Variants in ITPRIPL2 observed in about 807,000 individuals in gnomAD.
ITPRIPL2 encodes inositol 1,4,5-trisphosphate receptor-interacting protein-like 2.
ITPRIPL2 carries 29 observed loss-of-function variants against 31.7 expected under a neutral mutation model. That is an observed-to-expected ratio of 0.91 (90% confidence interval 0.68 to 1.25). The LOEUF is 1.25. Ranked by LOEUF, ITPRIPL2 falls within the 50% of genes most tolerant of loss-of-function variation. ITPRIPL2 has a pLI of 0.00. For missense variants in ITPRIPL2, 696 were observed against 739.1 expected, an observed-to-expected ratio of 0.94 and a Z score of 0.68; for synonymous variants, 344 against 343.4, an observed-to-expected ratio of 1.00 and a Z score of -0.02.
In ITPRIPL2 at chr16:19,114,570, C is replaced by G. The variant is rs771733658; in HGVS notation, c.109C>G (p.Arg37Gly). ...TGTCCTGCGGGGAAGCGGGGGCGCC[C>G]GGGCCGAGCCCGCCGACGGCGTGGA... ...YHVLRGSGGA[R>G]AEPADGVDGG... The change falls in exon 1 of 1, where the codon CGG becomes GGG. Residue 37 changes from arginine (R) to glycine (G), a missense_variant. Transcript: ENST00000381440. 17 of 1,553,026 alleles carry G rather than the reference C, an allele frequency of 1.1e-5. No homozygotes were observed. Among genetic ancestry groups the G allele is most frequent in the Non-Finnish European group, 1.4e-5 (16 of 1,154,732 alleles).
chr16:19,114,864 C>A lies in ITPRIPL2; in HGVS notation c.403C>A (p.Arg135Ser), dbSNP rs765346340. The change falls in exon 1 of 1, where the codon CGC becomes AGC. Residue 135 changes from arginine to serine, a missense_variant. Physicochemically the swap from Arg to Ser is moderately radical, Grantham distance 110. Coordinates refer to ENST00000381440, the MANE Select transcript of ITPRIPL2 (RefSeq NM_001034841.4). ...RIVGELVRAGRARGSPGLIPG... is the reference protein window; with the variant it reads ...RIVGELVRAGSARGSPGLIPG... Reference sequence around the variant, plus strand: ...CGTGGGCGAGCTGGTGCGGGCTGGCCGCGCCCGGGGGTCCCCCGGTCTCAT... The same window carrying A: ...CGTGGGCGAGCTGGTGCGGGCTGGCAGCGCCCGGGGGTCCCCCGGTCTCAT... 24 of 1,603,698 alleles carry A rather than the reference C, an allele frequency of 1.5e-5. No homozygotes were observed. The highest frequency in any genetic ancestry group is 2.0e-5 in the Non-Finnish European group (24 of 1,175,812).
rs745733498 is a variant in ITPRIPL2, at chr16:19,114,566, C to T, written c.105C>T (p.Gly35=). 3 of 1,546,054 alleles carry T rather than the reference C, an allele frequency of 1.9e-6. No homozygotes were observed. The highest frequency in any genetic ancestry group is 1.7e-6 in the Non-Finnish European group (2 of 1,151,266). The part of the protein sequence containing the change: ...CLYHVLRGSG[G]ARAEPADGVD... ...ACCATGTCCTGCGGGGAAGCGGGGG[C>T]GCCCGGGCCGAGCCCGCCGACGGCG... is the stretch of plus-strand genomic sequence containing the variant. Residue 35 remains glycine (G), a synonymous_variant, in exon 1 of 1, where the codon GGC becomes GGT. Transcript: ENST00000381440.
At position 19,114,453 on chromosome 16, in the gene ITPRIPL2, G is replaced by A; in HGVS notation, c.-9G>A. On this transcript the variant is annotated 5_prime_UTR_variant, in exon 1 of 1. Transcript: ENST00000381440. ...GGCTGCTCGGCCACCGCCGCCCCGG[G>A]CGCCCGGCATGTCGGTGCACTACAC... 2.2e-6 allele frequency: 3 copies of A among 1,387,668 alleles called. No individual in the cohort carries two copies. The highest frequency in any genetic ancestry group is 1.5e-5 in the African/African-American group (1 of 66,008). 86.0% of individuals were successfully genotyped at this position (1,387,668 alleles called of 1,614,324 possible). A position where few individuals can be genotyped will look rare whatever the true frequency, so the allele number is the denominator to read the frequency against.
In ITPRIPL2 at chr16:19,121,056, T is replaced by C. The variant is rs1460292236; in HGVS notation, c.*4987T>C. On this transcript the variant is annotated 3_prime_UTR_variant, in exon 1 of 1. Coordinates refer to ENST00000381440, the MANE Select transcript of ITPRIPL2 (RefSeq NM_001034841.4). The stretch of plus-strand genomic sequence containing the variant: ...ATCGTGGCATTCGTTAGTTTTTTTT[T>C]TTTTAAATCACTTGTTTAGATACAA... 2.4e-5 allele frequency: 4 copies of C among 166,790 alleles called. No homozygotes were observed. Among genetic ancestry groups the C allele is most frequent in the African/African-American group, 9.7e-5 (4 of 41,406 alleles). The allele number at this position is 166,790 out of a possible 1,614,324, so 10.3% of individuals were successfully genotyped here. A position where few individuals can be genotyped will look rare whatever the true frequency, so the allele number is the denominator to read the frequency against.
In ITPRIPL2 at chr16:19,119,378, A is replaced by C; in HGVS notation, c.*3309A>C. On this transcript the variant is annotated 3_prime_UTR_variant, in exon 1 of 1. Transcript: ENST00000381440. ...GTCGCAAACTCAGCAGCCTGTAGAA[A>C]CAGGGGTGGGAGGTGGGGGGGAAGC... is the stretch of plus-strand genomic sequence containing the variant. The C allele has an allele frequency of 2.2e-5, 5 of 227,240 alleles. No homozygotes were observed. Among genetic ancestry groups the C allele is most frequent in the Non-Finnish European group, 4.6e-5 (5 of 108,402 alleles). The allele number at this position is 227,240 out of a possible 1,614,324, so 14.1% of individuals were successfully genotyped here.
At position 19,119,726 on chromosome 16, in the gene ITPRIPL2, GA is replaced by G. The variant is rs58653070; in HGVS notation, c.*3669del. On this transcript the variant is annotated 3_prime_UTR_variant, in exon 1 of 1. Transcript: ENST00000381440. ...CTCAGAGTTAAGCTTTATTGTAGAA[GA>G]AAAAAAAAAAAGTTAACACAGCCAT... 8,620 of 150,216 alleles carry G rather than the reference GA, an allele frequency of 0.057. 355 individuals are homozygous for G. The highest frequency in any genetic ancestry group is 0.12 in the African/African-American group (4,858 of 39,128). 9.3% of individuals were successfully genotyped at this position (150,216 alleles called of 1,614,324 possible). A position where few individuals can be genotyped will look rare whatever the true frequency, so the allele number is the denominator to read the frequency against.
rs1198359784 is a variant in ITPRIPL2, at chr16:19,121,279, A to T, written c.*5210A>T. 1 of 167,026 alleles carries T rather than the reference A, an allele frequency of 6.0e-6. No individual in the cohort carries two copies. The highest frequency in any genetic ancestry group is 1.5e-5 in the Non-Finnish European group (1 of 68,108). 10.3% of individuals were successfully genotyped at this position (167,026 alleles called of 1,614,324 possible). On this transcript the variant is annotated 3_prime_UTR_variant, in exon 1 of 1. Transcript: ENST00000381440. ...AACAACTTTTTGCTTTTGAAAAAAA[A>T]AGGTGCCTTGATTCAGTTGCGTGAC... is the stretch of plus-strand genomic sequence containing the variant.
Position 19,114,437 on chromosome 16 carries a change from G to C in ITPRIPL2, c.-25G>C. The C allele has an allele frequency of 1.4e-6, 2 of 1,387,436 alleles. No individual in the cohort carries two copies. The highest frequency in any genetic ancestry group is 1.9e-6 in the Non-Finnish European group (2 of 1,072,812). 85.9% of individuals were successfully genotyped at this position (1,387,436 alleles called of 1,614,324 possible). A position where few individuals can be genotyped will look rare whatever the true frequency, so the allele number is the denominator to read the frequency against. ...CGGGGCTTGCCCCCTGGGCTGCTCG[G>C]CCACCGCCGCCCCGGGCGCCCGGCA... On this transcript the variant is annotated 5_prime_UTR_variant, in exon 1 of 1. Transcript: ENST00000381440.
chr16:19,115,357 G>C lies in ITPRIPL2; in HGVS notation c.896G>C (p.Gly299Ala), dbSNP rs1427400972. ...ATCTTGCCCTGCCGCACTGACTACG[G>C]CTGCTGCCGCCTTTCTATGGCTGTG... is the stretch of plus-strand genomic sequence containing the variant. ...LHILPCRTDY[G>A]CCRLSMAVRL... Residue 299 changes from glycine to alanine, a missense_variant, in exon 1 of 1, where the codon GGC becomes GCC. Gly to Ala is a moderately conservative substitution (Grantham distance 60). Coordinates refer to ENST00000381440, the MANE Select transcript of ITPRIPL2 (RefSeq NM_001034841.4). 6.2e-7 allele frequency: 1 copy of C among 1,613,314 alleles called. No homozygotes were observed. Among genetic ancestry groups the C allele is most frequent in the Non-Finnish European group, 8.5e-7 (1 of 1,179,984 alleles).
chr16:19,114,329 C>A lies in ITPRIPL2; in HGVS notation c.-133C>A. On this transcript the variant is annotated 5_prime_UTR_variant, in exon 1 of 1. Coordinates refer to ENST00000381440, the MANE Select transcript of ITPRIPL2 (RefSeq NM_001034841.4). ...TGGAGGGCGGCCTCCCTCGGGCCTG[C>A]GTTCGGGAAGCCGCCGCGGAGGAGG... 1.7e-6 allele frequency: 1 copy of A among 605,120 alleles called. No homozygotes were observed. Among genetic ancestry groups the A allele is most frequent in the Non-Finnish European group, 2.4e-6 (1 of 415,542 alleles). The allele number at this position is 605,120 out of a possible 1,614,324, so 37.5% of individuals were successfully genotyped here.
chr16:19,116,122 G>A lies in ITPRIPL2; in HGVS notation c.*53G>A. The A allele has an allele frequency of 1.3e-6, 2 of 1,489,184 alleles. No individual in the cohort carries two copies. The highest frequency in any genetic ancestry group is 1.8e-6 in the Non-Finnish European group (2 of 1,108,348). 92.2% of individuals were successfully genotyped at this position (1,489,184 alleles called of 1,614,324 possible). A position where few individuals can be genotyped will look rare whatever the true frequency, so the allele number is the denominator to read the frequency against. ...ATGCTCCTAAAGCCTTTCCCACTGG[G>A]TGGGGGTGGGAATGGCGGTGAAGCC... On this transcript the variant is annotated 3_prime_UTR_variant, in exon 1 of 1. Transcript: ENST00000381440.
At position 19,115,990 on chromosome 16, in the gene ITPRIPL2, ACGGGGGTCCC is replaced by A; in HGVS notation, c.1532_1541del (p.Gly511AlafsTer25). ...AGGCTGCCCCAGCTTCTCCGGGCCTACGGGGGTCCCCGCTACCTTGCCAGGTGCCCCCCAC... is the reference window on the plus strand; with the variant it reads ...AGGCTGCCCCAGCTTCTCCGGGCCTACGCTACCTTGCCAGGTGCCCCCCAC... On this transcript the variant is annotated frameshift_variant, in exon 1 of 1. Coordinates refer to ENST00000381440, the MANE Select transcript of ITPRIPL2 (RefSeq NM_001034841.4). LOFTEE classifies it high-confidence loss of function. The A allele has an allele frequency of 6.2e-7, 1 of 1,612,764 alleles. No individual in the cohort carries two copies. Among genetic ancestry groups the A allele is most frequent in the Non-Finnish European group, 8.5e-7 (1 of 1,179,468 alleles).
In ITPRIPL2 at chr16:19,117,531, T is replaced by G. The variant is rs1253856031; in HGVS notation, c.*1462T>G. On this transcript the variant is annotated 3_prime_UTR_variant, in exon 1 of 1. Coordinates refer to ENST00000381440, the MANE Select transcript of ITPRIPL2 (RefSeq NM_001034841.4). ...TTTATAACAGTCCTCAATTGCAGTTTAAGTTCAGCATGGCCCCTCATCTGC... is the reference window on the plus strand; with the variant it reads ...TTTATAACAGTCCTCAATTGCAGTTGAAGTTCAGCATGGCCCCTCATCTGC... 1 of 167,076 alleles carries G rather than the reference T, an allele frequency of 6.0e-6. No individual in the cohort carries two copies. Among genetic ancestry groups the G allele is most frequent in the Non-Finnish European group, 1.5e-5 (1 of 68,122 alleles). The allele number at this position is 167,076 out of a possible 1,614,324, so 10.3% of individuals were successfully genotyped here.
rs915089788 is a variant in ITPRIPL2 at position 19,116,115 on chromosome 16, C to T, written c.*46C>T. On this transcript the variant is annotated 3_prime_UTR_variant, in exon 1 of 1. Coordinates refer to ENST00000381440, the MANE Select transcript of ITPRIPL2 (RefSeq NM_001034841.4). ...TGACCAAATGCTCCTAAAGCCTTTC[C>T]CACTGGGTGGGGGTGGGAATGGCGG... 1.3e-6 allele frequency: 2 copies of T among 1,502,418 alleles called. No individual in the cohort carries two copies. Among genetic ancestry groups the T allele is most frequent in the African/African-American group, 2.8e-5 (2 of 71,538 alleles). The allele number at this position is 1,502,418 out of a possible 1,614,324, so 93.1% of individuals were successfully genotyped here.
At position 19,118,812 on chromosome 16, in the gene ITPRIPL2, T is replaced by C. The variant is rs1963476985; in HGVS notation, c.*2743T>C. On this transcript the variant is annotated 3_prime_UTR_variant, in exon 1 of 1. Transcript: ENST00000381440. ...GTTTAGTAAACCAAAACATGTACTG[T>C]GTACAACGGAAATAATATGGCATAT... The C allele has an allele frequency of 2.4e-6, 1 of 409,578 alleles. No individual in the cohort carries two copies. The highest frequency in any genetic ancestry group is 4.5e-6 in the Non-Finnish European group (1 of 224,218). 25.4% of individuals were successfully genotyped at this position (409,578 alleles called of 1,614,324 possible).
In ITPRIPL2 at chr16:19,119,385, T is replaced by G. The variant is rs1596856270; in HGVS notation, c.*3316T>G. On this transcript the variant is annotated 3_prime_UTR_variant, in exon 1 of 1. Coordinates refer to ENST00000381440, the MANE Select transcript of ITPRIPL2 (RefSeq NM_001034841.4). ...ACTCAGCAGCCTGTAGAAACAGGGG[T>G]GGGAGGTGGGGGGGAAGCTGTGCCC... 4 of 217,908 alleles carry G rather than the reference T, an allele frequency of 1.8e-5. No individual in the cohort carries two copies. Among genetic ancestry groups the G allele is most frequent in the Non-Finnish European group, 3.9e-5 (4 of 103,888 alleles). The allele number at this position is 217,908 out of a possible 1,614,324, so 13.5% of individuals were successfully genotyped here.
chr16:19,115,214 GC>G lies in ITPRIPL2; in HGVS notation c.754del (p.Leu252CysfsTer27). ...GGCGTCACCTCTCTGCTACTCTGGT[GC>G]TGCGCTGGTTCCAGTCGCATCTGCA... is the stretch of plus-strand genomic sequence containing the variant. ...GRRHLSATLV[L>X]RWFQSHLQRS... On this transcript the variant is annotated frameshift_variant, in exon 1 of 1. Coordinates refer to ENST00000381440, the MANE Select transcript of ITPRIPL2 (RefSeq NM_001034841.4). LOFTEE classifies it high-confidence loss of function. 1 of 1,609,376 alleles carries G rather than the reference GC, an allele frequency of 6.2e-7. No individual in the cohort carries two copies. The highest frequency in any genetic ancestry group is 8.5e-7 in the Non-Finnish European group (1 of 1,180,016).
Position 19,114,429 on chromosome 16 carries a change from G to A in ITPRIPL2, c.-33G>A. The stretch of plus-strand genomic sequence containing the variant: ...GTCGCCGCCGGGGCTTGCCCCCTGG[G>A]CTGCTCGGCCACCGCCGCCCCGGGC... On this transcript the variant is annotated 5_prime_UTR_variant, in exon 1 of 1. Transcript: ENST00000381440. 1 of 1,385,494 alleles carries A rather than the reference G, an allele frequency of 7.2e-7. No homozygotes were observed. The highest frequency in any genetic ancestry group is 9.3e-7 in the Non-Finnish European group (1 of 1,072,156). The allele number at this position is 1,385,494 out of a possible 1,614,324, so 85.8% of individuals were successfully genotyped here.
rs757506321 is a variant in ITPRIPL2, at chr16:19,115,197, C to G, written c.736C>G (p.Leu246Val). 6.2e-7 allele frequency: 1 copy of G among 1,608,326 alleles called. No homozygotes were observed. The highest frequency in any genetic ancestry group is 8.5e-7 in the Non-Finnish European group (1 of 1,180,008). Residue 246 changes from leucine (L) to valine (V), a missense_variant, in exon 1 of 1, where the codon CTC (leucine) becomes GTC (valine). Leu to Val is a conservative substitution (Grantham distance 32, BLOSUM62 1). Transcript: ENST00000381440. The stretch of plus-strand genomic sequence containing the variant: ...CGTGGATGTGCGCGGGCGGCGTCAC[C>G]TCTCTGCTACTCTGGTGCTGCGCTG... ...FCVDVRGRRHLSATLVLRWFQ... is the reference protein window; with the variant it reads ...FCVDVRGRRHVSATLVLRWFQ...
Sources: allele counts gnomAD v4.1 joint callset, GRCh38; gene constraint gnomAD v4.1.1; transcripts MANE v1.5; gene names NCBI Gene and HGNC (gene_info 2026-07-23, HGNC 2026-07-21).